OTOR: variants seen among roughly 807,000 people sequenced by gnomAD.
OTOR encodes otoraplin.
OTOR carries 20 observed loss-of-function variants against 15.9 expected under a neutral mutation model. That is an observed-to-expected ratio of 1.26 (90% CI 0.89 to 1.83). The LOEUF (loss-of-function observed/expected upper bound fraction) is 1.83, where lower values mean the gene tolerates loss of function less well. Ranked by LOEUF, OTOR falls within the 40% of genes most tolerant of loss-of-function variation. The pLI is 0.00. For missense variants in OTOR, 184 were observed against 159.0 expected (o/e 1.16, Z -0.85); for synonymous variants, 53 against 54.2 (o/e 0.98, Z 0.09).
intron 3 of OTOR, 35 bp from the exon 4 acceptor site, chr20:16,751,060 T>A (rs769161183): frequency 6.7e-7 from 1 of 1,498,718 alleles, no homozygotes; most frequent in Admixed American, 2.2e-5. Flanking sequence ...CTAGGCTATT[T>A]CGTTCAATCT....
Position 16,749,556 on chromosome 20 carries a change from A to G in OTOR, c.256-347A>G, listed in dbSNP as rs981079452. 17 of 209,276 alleles carry G rather than the reference A, an allele frequency of 8.1e-5. No individual in the cohort carries two copies. In the East Asian group the frequency reaches 1.7e-3, roughly 21 times the overall value. 13.0% of individuals were successfully genotyped at this position (209,276 alleles called of 1,614,324 possible). On this transcript the variant is annotated intron_variant, in intron 2 of 3. Transcript: ENST00000246081. ...AATTGTTGAAAACTGAGAAATTTGC[A>G]TCATTTAAAATAAGTGTCTACAGTA...
Position 16,749,883 on chromosome 20 carries a change from C to T in OTOR, c.256-20C>T. On this transcript the variant is annotated intron_variant, in intron 2 of 3. Coordinates refer to ENST00000246081, the MANE Select transcript of OTOR (RefSeq NM_020157.4). ...CTCAGCATCAGCTTTTTCCTGATTG[C>T]TATTCTTCTGGGCACTTAGGTTTAT... 3 of 1,529,748 alleles carry T rather than the reference C, an allele frequency of 2.0e-6. No individual in the cohort carries two copies. Among genetic ancestry groups the T allele is most frequent in the Non-Finnish European group, 2.7e-6 (3 of 1,103,742 alleles). 94.8% of individuals were successfully genotyped at this position (1,529,748 alleles called of 1,614,324 possible).
chr20:16,749,568 A>C (rs2122520449), intron 2 of OTOR: 1 of 222,818 alleles, frequency 4.5e-6, no homozygotes, highest in East Asian at 1.0e-4. Context: ...CATTTAAAAT[A>C]AGTGTCTACA....
chr20:16,748,570 A>G (rs944639464), intron 1 of OTOR, 54 bp downstream of exon 1: 3 of 1,033,298 alleles, frequency 2.9e-6, no homozygotes, highest in Non-Finnish European at 4.5e-6. Context: ...TTGAAAATAT[A>G]TCCACTAATA....
chr20:16,749,878 G>T (rs2072517043), intron 2 of OTOR, 25 bp from the exon 3 acceptor site: 4 of 1,501,286 alleles, frequency 2.7e-6, no homozygotes, highest in Non-Finnish European at 3.7e-6. Context: ...GCTTTTTCCT[G>T]ATTGCTATTC....
At chr20:16,750,594 AATT>A (rs1488404497) in intron 3 of OTOR, among the ~76,000 whole-genome samples, 5 of 152,248 alleles carry the variant, frequency 3.3e-5, no homozygotes, top group South Asian at 2.1e-4. Flanking sequence ...GCTGAAAAAA[AATT>A]ATTATGTTTT....
rs554497359 is a variant in OTOR at position 16,751,391 on chromosome 20, T to C, written c.*273T>C. The C allele has an allele frequency of 1.7e-4, 70 of 412,124 alleles. No individual in the cohort carries two copies. In the Middle Eastern group the frequency reaches 1.9e-3, roughly 11 times the overall value. The allele number at this position is 412,124 out of a possible 1,614,324, so 25.5% of individuals were successfully genotyped here. ...AGACCAGAAAATTATTTTTTCAACC[T>C]AGAGAATCTCCTCTTACAGGGGGAT... On this transcript the variant is annotated 3_prime_UTR_variant, in exon 4 of 4. Transcript: ENST00000246081.
rs3075058 is a variant in OTOR at position 16,750,403 on chromosome 20, T to TTGTGTGTG, written c.363+412_363+419dup. ...CATACATCACCTCACATAGTTACCTTTGTGTGTGTGTGTGTGTGTGTGTGT... is the reference window on the plus strand; with the variant it reads ...CATACATCACCTCACATAGTTACCTTTGTGTGTGTGTGTGTGTGTGTGTGTGTGTGTGT... On this transcript the variant is annotated intron_variant, in intron 3 of 3. Coordinates refer to ENST00000246081, the MANE Select transcript of OTOR (RefSeq NM_020157.4). 5.8e-3 allele frequency among the ~76,000 whole-genome samples: 858 copies of TTGTGTGTG among 148,424 alleles called. 4 individuals carry two copies. The highest frequency in any genetic ancestry group is 0.013 in the East Asian group (65 of 5,014).
At chr20:16,750,531 T>C (rs1238151930) in intron 3 of OTOR, among the ~76,000 whole-genome samples, 1 of 108,298 alleles carries the variant, frequency 9.2e-6, no homozygotes, top group East Asian at 3.2e-4. Flanking sequence ...ATGTAACAAA[T>C]AAAGAAACCA....
chr20:16,749,227 A>C (rs908974089), intron 2 of OTOR: 6 of 374,420 alleles, frequency 1.6e-5, no homozygotes, highest in Non-Finnish European at 2.8e-5. Context: ...TTTGGTAAAA[A>C]AAGAGTCAAA....
intron 3 of OTOR, 56 bp from the exon 4 acceptor site, chr20:16,751,039 G>A (rs2072525750): frequency 7.3e-7 from 1 of 1,364,462 alleles, no homozygotes; most frequent in Non-Finnish European, 1.0e-6. Flanking sequence ...ATCTACATCT[G>A]TTTTTTTAGC....
chr20:16,749,106 C>T lies in OTOR; in HGVS notation c.255+100C>T, dbSNP rs1416216583. The T allele has an allele frequency of 2.9e-5, 22 of 763,386 alleles. No individual in the cohort carries two copies. The East Asian group carries it at 4.6e-4, about 16-fold the overall frequency. The allele number at this position is 763,386 out of a possible 1,614,324, so 47.3% of individuals were successfully genotyped here. On this transcript the variant is annotated intron_variant, in intron 2 of 3. Transcript: ENST00000246081. ...AATGCTTAATACTAGTTGTTAAGAA[C>T]CATGTAGTGATTGTAGATGGAAATG...
chr20:16,751,414 G>C lies in OTOR; in HGVS notation c.*296G>C. 2.7e-6 allele frequency: 1 copy of C among 373,730 alleles called. No homozygotes were observed. The highest frequency in any genetic ancestry group is 4.8e-6 in the Non-Finnish European group (1 of 208,372). 23.2% of individuals were successfully genotyped at this position (373,730 alleles called of 1,614,324 possible). A position where few individuals can be genotyped will look rare whatever the true frequency, so the allele number is the denominator to read the frequency against. On this transcript the variant is annotated 3_prime_UTR_variant, in exon 4 of 4. Transcript: ENST00000246081. ...CCTAGAGAATCTCCTCTTACAGGGG[G>C]ATGCATATAACAGATCATGTATGTG...
In OTOR at chr20:16,748,718, G is replaced by A. The variant is rs542845962; in HGVS notation, c.116-149G>A. 4 of 710,392 alleles carry A rather than the reference G, an allele frequency of 5.6e-6. No homozygotes were observed. In the East Asian group the frequency reaches 8.5e-5, roughly 15 times the overall value. The allele number at this position is 710,392 out of a possible 1,614,324, so 44.0% of individuals were successfully genotyped here. A position where few individuals can be genotyped will look rare whatever the true frequency, so the allele number is the denominator to read the frequency against. ...AGTTTTGTTGCAGCTTTAATATCTT[G>A]GCTGTCTTCTTTCTCTTGGATAGAC... On this transcript the variant is annotated intron_variant, in intron 1 of 3. Coordinates refer to ENST00000246081, the MANE Select transcript of OTOR (RefSeq NM_020157.4).
intron 3 of OTOR, among the ~76,000 whole-genome samples, chr20:16,750,286 A>G (rs535887320): frequency 6.6e-6 from 1 of 152,142 alleles, no homozygotes; most frequent in African/African-American, 2.4e-5. Context: ...TTATTGGGTT[A>G]TAATTGACAA....
intron 2 of OTOR, chr20:16,749,337 G>A (rs990974338): frequency 1.6e-5 from 3 of 191,502 alleles, no homozygotes; most frequent in African/African-American, 7.0e-5. Context: ...GTGAGTCTAA[G>A]TATCAATATT....
chr20:16,748,426 C>T lies in OTOR; in HGVS notation c.25C>T (p.Leu9Phe), dbSNP rs894014617. Residue 9 changes from leucine (L) to phenylalanine (F), a missense_variant, in exon 1 of 4, where the codon CTC becomes TTC. Physicochemically the swap from Leu to Phe is conservative, Grantham distance 22 (BLOSUM62 0). Transcript: ENST00000246081. MARILLLF[L>F]PGLVAVCAVH... Reference sequence around the variant, plus strand: ...GATGGCAAGAATATTGTTACTTTTCCTCCCGGGTCTTGTGGCTGTATGTGC... The same window carrying T: ...GATGGCAAGAATATTGTTACTTTTCTTCCCGGGTCTTGTGGCTGTATGTGC... The T allele has an allele frequency of 1.2e-6, 2 of 1,612,822 alleles. No individual in the cohort carries two copies. The highest frequency in any genetic ancestry group is 3.3e-5 in the Admixed American group (2 of 59,994).
intron 1 of OTOR, 53 bp from the exon 2 acceptor site, chr20:16,748,814 G>T: frequency 7.2e-7 from 1 of 1,394,306 alleles, no homozygotes. Context: ...GCCTTTTACT[G>T]TTATAAAATT....
chr20:16,749,124 T>A, intron 2 of OTOR, 118 bp downstream of exon 2: 3 of 616,504 alleles, frequency 4.9e-6, no homozygotes, highest in Non-Finnish European at 7.4e-6. Flanking sequence ...TGATTGTAGA[T>A]GGAAATGCAA....
Sources: allele counts gnomAD v4.1 joint callset (sites outside exome capture counted in the v4.1 genomes callset), GRCh38; gene constraint gnomAD v4.1.1; transcripts MANE v1.5; gene names NCBI Gene and HGNC (gene_info 2026-07-23, HGNC 2026-07-21).